Variants in POC1B observed in about 807,000 individuals in gnomAD.
The protein encoded by POC1B is POC1 centriolar protein B, also known as POC1 centriolar protein homolog B.
In POC1B, 44 loss-of-function variants were observed where a neutral mutation model predicts 60.6. The observed-to-expected ratio is 0.73, with a 90% CI of 0.57 to 0.93. The LOEUF (loss-of-function observed/expected upper bound fraction) is 0.93. Ranked by LOEUF, POC1B falls within the 40% of genes least tolerant of loss-of-function variation. POC1B has a pLI of 0.00. For missense variants in POC1B, 555 were observed against 572.3 expected, an observed-to-expected ratio of 0.97 and a Z score of 0.31; for synonymous variants, 180 against 198.9, an observed-to-expected ratio of 0.90 and a Z score of 0.80.
the POC1B span, among the ~76,000 whole-genome samples, chr12:89,409,712 G>T: frequency 6.6e-6 from 1 of 152,102 alleles, no homozygotes; most frequent in Non-Finnish European, 1.5e-5. Context: ...TAGAAGAAAT[G>T]GATAAATTCC....
At chr12:89,514,746 A>G (rs141203172) in intron 2 of POC1B, among the ~76,000 whole-genome samples, 3 of 151,996 alleles carry the variant, frequency 2.0e-5, no homozygotes, top group African/African-American at 7.3e-5. Context: ...ACAGACTAAT[A>G]TATCCTACCT....
chr12:89,494,356 T>A (rs1169555677), intron 3 of POC1B, among the ~76,000 whole-genome samples: 1 of 152,162 alleles, frequency 6.6e-6, no homozygotes, highest in East Asian at 1.9e-4. Context: ...AGCCTCTCCC[T>A]ATTCTTTCTT....
intron 3 of POC1B, among the ~76,000 whole-genome samples, chr12:89,495,066 C>G (rs1019126925): frequency 6.6e-6 from 1 of 152,186 alleles, no homozygotes. Flanking sequence ...CCCGTTGCCA[C>G]GATCCACCAT....
At chr12:89,524,298 C>G (rs762034669) in intron 2 of POC1B, 1 of 1,613,904 alleles carries the variant, frequency 6.2e-7, no homozygotes, top group Admixed American at 1.7e-5. Flanking sequence ...CCTCGTTGAG[C>G]TGGAGTTTGC....
chr12:89,523,225 G>A (rs952554981), intron 2 of POC1B: 1 of 1,613,864 alleles, frequency 6.2e-7, no homozygotes, highest in Non-Finnish European at 8.5e-7. Flanking sequence ...ATGCCAGCCT[G>A]GTCTATCCTC....
rs994239653 is a variant in POC1B at position 89,499,868 on chromosome 12, A to G, written c.101-2526T>C. 2.0e-5 allele frequency among the ~76,000 whole-genome samples: 3 copies of G among 152,394 alleles called. No individual in the cohort carries two copies. The East Asian group carries it at 5.8e-4, about 29-fold the overall frequency. The stretch of plus-strand genomic sequence containing the variant: ...TTGGGGTAGGCAAACACTGCTTTAA[A>G]AAGACATTAACGTGTTTGTTGAGGG... On this transcript the variant is annotated intron_variant, in intron 2 of 11. Coordinates refer to ENST00000313546, the MANE Select transcript of POC1B (RefSeq NM_172240.3).
At chr12:89,431,447 ACACACACACGCACATG>A (rs1409962207) in intron 10 of POC1B, among the ~76,000 whole-genome samples, 2 of 151,986 alleles carry the variant, frequency 1.3e-5, no homozygotes, top group Admixed American at 1.3e-4. Context: ...ACACACACAC[ACACACACACGCACATG>A]CACACACACA....
At chr12:89,506,305 T>C (rs753967806) in intron 2 of POC1B, among the ~76,000 whole-genome samples, 20 of 152,238 alleles carry the variant, frequency 1.3e-4, no homozygotes, top group Non-Finnish European at 2.9e-4. Flanking sequence ...AATGAGGTGT[T>C]AAAAGTATTA....
At chr12:89,404,959 C>T in the POC1B span, among the ~76,000 whole-genome samples, 5 of 152,152 alleles carry the variant, frequency 3.3e-5, no homozygotes, top group African/African-American at 1.2e-4. Flanking sequence ...CCCTAGTATT[C>T]GGCATCACCA....
intron 9 of POC1B, 167 bp from the exon 10 acceptor site, chr12:89,459,885 A>G: frequency 2.1e-6 from 1 of 477,876 alleles, no homozygotes. Flanking sequence ...TAGCCTACCA[A>G]TTCTATCAAC....
chr12:89,504,187 T>G (rs1183630816), intron 2 of POC1B, among the ~76,000 whole-genome samples: 1 of 152,240 alleles, frequency 6.6e-6, no homozygotes, highest in South Asian at 2.1e-4. Flanking sequence ...GGGGAAAAGA[T>G]AGAGAAATCA....
intron 10 of POC1B, among the ~76,000 whole-genome samples, chr12:89,434,727 A>C (rs1881179654): frequency 6.6e-6 from 1 of 152,232 alleles, no homozygotes; most frequent in African/African-American, 2.4e-5. Flanking sequence ...TACACTTTGA[A>C]GGGCATTCAG....
rs574580279 is a variant in POC1B at position 89,431,488 on chromosome 12, G to T, written c.1114-6109C>A. ...GCACACACACACGTATGTATAAAACGTCTGCCTGAAATAGACTAGAATAAC... is the reference window on the plus strand; with the variant it reads ...GCACACACACACGTATGTATAAAACTTCTGCCTGAAATAGACTAGAATAAC... On this transcript the variant is annotated intron_variant, in intron 10 of 11. Coordinates refer to ENST00000313546, the MANE Select transcript of POC1B (RefSeq NM_172240.3). 5.3e-5 allele frequency among the ~76,000 whole-genome samples: 8 copies of T among 151,780 alleles called. No homozygotes were observed. The South Asian group carries it at 1.7e-3, about 32-fold the overall frequency.
chr12:89,415,916 A>G (rs1422433267), downstream of POC1B, among the ~76,000 whole-genome samples: 2 of 152,248 alleles, frequency 1.3e-5, no homozygotes, highest in African/African-American at 4.8e-5. Flanking sequence ...AGGTTATAGC[A>G]GTGCCCACTT....
At chr12:89,448,889 T>G (rs984279209) in intron 10 of POC1B, among the ~76,000 whole-genome samples, 7 of 152,226 alleles carry the variant, frequency 4.6e-5, no homozygotes, top group East Asian at 1.9e-4. Context: ...ATTCCCAAAG[T>G]AGCCTTCACA....
At chr12:89,517,353 C>G (rs1028682136) in intron 2 of POC1B, among the ~76,000 whole-genome samples, 19 of 152,168 alleles carry the variant, frequency 1.2e-4, no homozygotes, top group Admixed American at 1.3e-4. Context: ...CACTCTATGG[C>G]TGGGTGCAGT....
intron 4 of POC1B, among the ~76,000 whole-genome samples, chr12:89,474,592 T>C (rs1883034679): frequency 6.6e-6 from 1 of 152,136 alleles, no homozygotes; most frequent in Non-Finnish European, 1.5e-5. Flanking sequence ...CAATTTACAG[T>C]GAAGAAACAG....
chr12:89,448,939 T>C (rs1433028161), intron 10 of POC1B, among the ~76,000 whole-genome samples: 5 of 152,166 alleles, frequency 3.3e-5, no homozygotes, highest in African/African-American at 1.2e-4. Context: ...AAGGGCCTAT[T>C]TCTCCACCTG....
At chr12:89,510,909 C>A (rs187375842) in intron 2 of POC1B, among the ~76,000 whole-genome samples, 1 of 151,880 alleles carries the variant, frequency 6.6e-6, no homozygotes, top group East Asian at 2.0e-4. Context: ...AGGTGCCCAC[C>A]ACACTGGCTA....
Sources: gnomAD v4.1 joint callset for allele counts (sites outside exome capture counted in the v4.1 genomes callset) on GRCh38, gnomAD v4.1.1 for gene constraint, MANE v1.5 for transcripts, NCBI Gene and HGNC (gene_info 2026-07-23, HGNC 2026-07-21) for gene names.